The following HMGA2 variants were observed in gnomAD, a reference collection of about 807,000 sequenced individuals.
HMGA2 encodes the protein high mobility group protein HMGI-C.
HMGA2 carries 8 observed loss-of-function variants against 19.1 expected under a neutral mutation model. The observed-to-expected ratio is 0.42, with a 90% CI of 0.25 to 0.76. HMGA2 has a LOEUF of 0.76. HMGA2 is among the 30% of genes least tolerant of loss of function. The pLI is 0.28. For missense variants in HMGA2, 109 were observed against 136.3 expected (o/e 0.80, Z 1.00); for synonymous variants, 60 against 48.8 (o/e 1.23, Z -0.96).
chr12:65,871,400 T>C (rs1472322345), intron 3 of HMGA2, among the ~76,000 whole-genome samples: 2 of 152,170 alleles, frequency 1.3e-5, no homozygotes, highest in Admixed American at 6.5e-5. Context: ...GGTTGCTGAC[T>C]CCTGCTCTAT....
intron 3 of HMGA2, among the ~76,000 whole-genome samples, chr12:65,922,395 A>G (rs1875348813): frequency 6.6e-6 from 1 of 152,114 alleles, no homozygotes; most frequent in Admixed American, 6.5e-5. Flanking sequence ...ATCGCTTTGG[A>G]GCTTTAAAAT....
chr12:65,897,979 A>T (rs1285009696), intron 3 of HMGA2, among the ~76,000 whole-genome samples: 1 of 152,064 alleles, frequency 6.6e-6, no homozygotes, highest in Non-Finnish European at 1.5e-5. Flanking sequence ...AAAAAAAAAA[A>T]AGTTAAATGA....
intron 3 of HMGA2, among the ~76,000 whole-genome samples, chr12:65,853,572 C>T (rs1038520112): frequency 5.3e-5 from 8 of 152,100 alleles, no homozygotes; most frequent in South Asian, 2.1e-4. Context: ...GCTGTTTTCC[C>T]GAGGCCCTTT....
intron 3 of HMGA2, among the ~76,000 whole-genome samples, chr12:65,919,340 C>T (rs1592445119): frequency 1.3e-5 from 2 of 151,856 alleles, no homozygotes; most frequent in South Asian, 2.1e-4. Flanking sequence ...GCTCTTGGCT[C>T]AAAAGAAAGC....
chr12:65,938,232 G>A (rs1368156171), intron 3 of HMGA2, among the ~76,000 whole-genome samples: 3 of 152,180 alleles, frequency 2.0e-5, no homozygotes, highest in Non-Finnish European at 4.4e-5. Context: ...AGAATCTGAA[G>A]CTCCGACATT....
chr12:65,842,006 T>TC, intron 3 of HMGA2: 1 of 998,854 alleles, frequency 1.0e-6, no homozygotes, highest in Non-Finnish European at 1.3e-6. Flanking sequence ...TTTTTTTTTA[T>TC]CCCCCTAGTT....
rs1226730176 is a variant in HMGA2, at chr12:65,934,445, T to A, written c.250-16938T>A. Among the ~76,000 whole-genome samples, 4 of 152,220 alleles carry A rather than the reference T, an allele frequency of 2.6e-5. No individual in the cohort carries two copies. The South Asian group carries it at 8.3e-4, about 32-fold the overall frequency. On this transcript the variant is annotated intron_variant, in intron 3 of 4. Transcript: ENST00000403681. ...TCATGCTGTAGAATGGTTCCTTTTA[T>A]ACCCCAGCCCACTTGTTCAACGACA...
At chr12:65,887,713 T>G (rs1873717986) in intron 3 of HMGA2, among the ~76,000 whole-genome samples, 1 of 151,770 alleles carries the variant, frequency 6.6e-6, no homozygotes, top group South Asian at 2.1e-4. Context: ...GAAAAAAAAT[T>G]TACAGTTAGG....
At position 65,952,387 on chromosome 12, in the gene HMGA2, C is replaced by T. The variant is rs746085399; in HGVS notation, c.282+972C>T. On this transcript the variant is annotated intron_variant, in intron 4 of 4. Coordinates refer to ENST00000403681, the MANE Select transcript of HMGA2 (RefSeq NM_003483.6). Reference sequence around the variant, plus strand: ...GTTGCCTTGCCTGGGAAGGACCACCCGGGCAATCTTATATATCTACTGTTC... The same window carrying T: ...GTTGCCTTGCCTGGGAAGGACCACCTGGGCAATCTTATATATCTACTGTTC... 34 of 1,534,742 alleles carry T rather than the reference C, an allele frequency of 2.2e-5. No homozygotes were observed. In the African/African-American group the frequency reaches 2.9e-4, roughly 13 times the overall value.
chr12:65,897,307 C>T (rs1348129046), intron 3 of HMGA2, among the ~76,000 whole-genome samples: 1 of 152,146 alleles, frequency 6.6e-6, no homozygotes, highest in African/African-American at 2.4e-5. Flanking sequence ...TGTGGCATAA[C>T]ACTGTTTTTT....
chr12:65,954,501 T>C (rs1384119963), intron 4 of HMGA2: 1 of 152,214 alleles, frequency 6.6e-6, no homozygotes, highest in South Asian at 2.1e-4. Flanking sequence ...TGCTGAAGTC[T>C]CCTCAGAACT....
At chr12:65,941,109 A>C (rs1286595109) in intron 3 of HMGA2, among the ~76,000 whole-genome samples, 1 of 152,218 alleles carries the variant, frequency 6.6e-6, no homozygotes, top group Non-Finnish European at 1.5e-5. Context: ...TGAACCCAGA[A>C]TCATCCATTT....
intron 3 of HMGA2, among the ~76,000 whole-genome samples, chr12:65,938,711 C>T (rs967940863): frequency 5.3e-5 from 8 of 151,924 alleles, no homozygotes; most frequent in African/African-American, 1.7e-4. Context: ...TGCAGTGGCA[C>T]GATTACAGCT....
At chr12:65,890,936 G>A (rs1320219708) in intron 3 of HMGA2, among the ~76,000 whole-genome samples, 1 of 151,840 alleles carries the variant, frequency 6.6e-6, no homozygotes, top group Non-Finnish European at 1.5e-5. Context: ...TCACCATGTT[G>A]GCCAGGCTGA....
chr12:65,896,574 T>C (rs1241993361), intron 3 of HMGA2, among the ~76,000 whole-genome samples: 2 of 152,214 alleles, frequency 1.3e-5, no homozygotes, highest in Non-Finnish European at 2.9e-5. Flanking sequence ...TCCCTGTTCT[T>C]TTTATGAACG....
At chr12:65,947,767 T>C (rs1183301347) in intron 3 of HMGA2, among the ~76,000 whole-genome samples, 1 of 152,184 alleles carries the variant, frequency 6.6e-6, no homozygotes, top group Non-Finnish European at 1.5e-5. Context: ...TACACACCTT[T>C]AAGAGGGACT....
intron 3 of HMGA2, among the ~76,000 whole-genome samples, chr12:65,890,238 C>A (rs929731137): frequency 2.0e-5 from 3 of 152,114 alleles, no homozygotes; most frequent in Non-Finnish European, 2.9e-5. Context: ...ATTGTGTTAT[C>A]CTCATATACT....
At chr12:65,914,991 G>A (rs1875024745) in intron 3 of HMGA2, 1 of 1,602,960 alleles carries the variant, frequency 6.2e-7, no homozygotes, top group Non-Finnish European at 8.5e-7. Flanking sequence ...ATGTCTATTA[G>A]TGTTCCATCA....
chr12:65,889,541 T>G (rs768374322), intron 3 of HMGA2, among the ~76,000 whole-genome samples: 1 of 152,188 alleles, frequency 6.6e-6, no homozygotes, highest in Non-Finnish European at 1.5e-5. Context: ...GAAAACACAG[T>G]ACACAAAAGG....
Sources: allele counts gnomAD v4.1 joint callset (sites outside exome capture counted in the v4.1 genomes callset), GRCh38; gene constraint gnomAD v4.1.1; transcripts MANE v1.5; gene names NCBI Gene and HGNC (gene_info 2026-07-23, HGNC 2026-07-21).